L3MBTL4: variants seen among roughly 807,000 people sequenced by gnomAD.
The protein encoded by L3MBTL4 is lethal(3)malignant brain tumor-like protein 4.
Under a neutral mutation model 84.5 loss-of-function variants are expected in L3MBTL4, and 70 were observed. That is an observed-to-expected ratio of 0.83 (90% CI 0.68 to 1.01). The LOEUF (loss-of-function observed/expected upper bound fraction) is 1.01. Ranked by LOEUF, L3MBTL4 falls within the 50% of genes least tolerant of loss-of-function variation. The pLI is 0.00. For synonymous variants in L3MBTL4, 274 were observed against 259.8 expected, an observed-to-expected ratio of 1.05 and a Z score of -0.52; for missense variants, 715 against 754.8, an observed-to-expected ratio of 0.95 and a Z score of 0.62.
chr18:6,042,751 G>A (rs1327146858), intron 16 of L3MBTL4, among the ~76,000 whole-genome samples: 1 of 152,086 alleles, frequency 6.6e-6, no homozygotes, highest in Non-Finnish European at 1.5e-5. Context: ...AGGCCTTTCT[G>A]GAACACCCTT....
rs934420890 is a variant in L3MBTL4, at chr18:6,352,734, T to C, written c.-90-40678A>G. ...GATGCTATATCATGACCATACAATT[T>C]ATCTATTTCTTAGCTGTCTTTCCTA... On this transcript the variant is annotated intron_variant, in intron 1 of 18. Transcript: ENST00000317931. Among the ~76,000 whole-genome samples the C allele has an allele frequency of 3.3e-5, 5 of 152,152 alleles. No homozygotes were observed. The South Asian group carries it at 6.2e-4, about 19-fold the overall frequency.
intron 7 of L3MBTL4, 86 bp from the exon 8 acceptor site, chr18:6,241,535 C>A (rs1169632125): frequency 2.8e-6 from 2 of 712,116 alleles, no homozygotes; most frequent in Admixed American, 5.6e-5. Flanking sequence ...AAAGTAAGTG[C>A]GGTTTTGGCC....
chr18:6,242,611 A>G (rs2047497883), intron 7 of L3MBTL4, among the ~76,000 whole-genome samples: 1 of 152,184 alleles, frequency 6.6e-6, no homozygotes, highest in African/African-American at 2.4e-5. Context: ...GATAACTAGG[A>G]ATAAAGGACT....
chr18:6,351,767 G>A lies in L3MBTL4; in HGVS notation c.-90-39711C>T, dbSNP rs566275403. Reference sequence around the variant, plus strand: ...GGGGTTTCACCATGTTAGCCAGGATGGTCTCAATCTCCTGACCTCGTGATC... The same window carrying A: ...GGGGTTTCACCATGTTAGCCAGGATAGTCTCAATCTCCTGACCTCGTGATC... On this transcript the variant is annotated intron_variant, in intron 1 of 18. Coordinates refer to ENST00000317931, the MANE Select transcript of L3MBTL4 (RefSeq NM_001330559.2). Among the ~76,000 whole-genome samples, 5 of 152,148 alleles carry A rather than the reference G, an allele frequency of 3.3e-5. No homozygotes were observed. The East Asian group carries it at 9.7e-4, about 30-fold the overall frequency.
intron 1 of L3MBTL4, among the ~76,000 whole-genome samples, chr18:6,357,028 T>A (rs765179560): frequency 9.9e-5 from 15 of 152,200 alleles, no homozygotes; most frequent in Non-Finnish European, 1.6e-4. Flanking sequence ...TGATCATATA[T>A]GCATATGGGT....
intron 17 of L3MBTL4, among the ~76,000 whole-genome samples, chr18:5,965,518 C>T (rs527304424): frequency 1.3e-5 from 2 of 152,132 alleles, no homozygotes; most frequent in African/African-American, 4.8e-5. Flanking sequence ...CCTGAGCCCC[C>T]ACCAGTCCAG....
chr18:6,059,741 CTG>C (rs1363485252), intron 16 of L3MBTL4, among the ~76,000 whole-genome samples: 8 of 152,204 alleles, frequency 5.3e-5, no homozygotes, highest in African/African-American at 1.4e-4. Flanking sequence ...TCTAGCAGAG[CTG>C]TGAGTGGAGG....
intron 17 of L3MBTL4, among the ~76,000 whole-genome samples, chr18:5,969,144 G>T (rs142863698): frequency 8.5e-5 from 13 of 152,252 alleles, no homozygotes; most frequent in East Asian, 3.9e-4. Flanking sequence ...TGGGCCTCGG[G>T]GGGCACTGGA....
chr18:6,066,610 T>C (rs899995226), intron 16 of L3MBTL4, among the ~76,000 whole-genome samples: 3 of 152,230 alleles, frequency 2.0e-5, no homozygotes, highest in Non-Finnish European at 4.4e-5. Context: ...CATAATGTCA[T>C]TCTTTAACTG....
At chr18:6,149,054 T>C (rs1049322647) in intron 13 of L3MBTL4, among the ~76,000 whole-genome samples, 6 of 152,122 alleles carry the variant, frequency 3.9e-5, no homozygotes, top group African/African-American at 1.4e-4. Context: ...AAAATTTTTT[T>C]ATTATTATTA....
At chr18:6,280,567 G>T (rs1297053586) in intron 4 of L3MBTL4, among the ~76,000 whole-genome samples, 1 of 152,184 alleles carries the variant, frequency 6.6e-6, no homozygotes, top group African/African-American at 2.4e-5. Context: ...AGCTTCAAAT[G>T]TGTGATAGGT....
chr18:6,166,473 A>ACTGT (rs2043663342), intron 13 of L3MBTL4, among the ~76,000 whole-genome samples: 1 of 152,220 alleles, frequency 6.6e-6, no homozygotes, highest in African/African-American at 2.4e-5. Context: ...ATTATAACAA[A>ACTGT]CTGTCTCTCA....
rs1187668142 is a variant in L3MBTL4, at chr18:6,414,003, G to C, written c.-91+798C>G. The C allele has an allele frequency of 6.6e-6, 1 of 152,326 alleles. No individual in the cohort carries two copies. Among genetic ancestry groups the C allele is most frequent in the Non-Finnish European group, 1.5e-5 (1 of 68,090 alleles). 9.4% of individuals were successfully genotyped at this position (152,326 alleles called of 1,614,324 possible). On this transcript the variant is annotated intron_variant, in intron 1 of 18. Coordinates refer to ENST00000317931, the MANE Select transcript of L3MBTL4 (RefSeq NM_001330559.2). This position sits in a 1 kb window ranked among gnomAD's most constrained non-coding sequence, Gnocchi z 5.4. The stretch of plus-strand genomic sequence containing the variant: ...CGAAAACGCTCTCACCAATCCCGCA[G>C]GTAAGTGCGGCGCTGGCCCAGGTGT...
At chr18:6,292,098 T>A (rs1232406908) in intron 4 of L3MBTL4, among the ~76,000 whole-genome samples, 1 of 152,208 alleles carries the variant, frequency 6.6e-6, no homozygotes, top group African/African-American at 2.4e-5. Flanking sequence ...ACAAATTATA[T>A]CAATCTATTA....
intron 16 of L3MBTL4, among the ~76,000 whole-genome samples, chr18:6,046,435 A>C (rs2056621385): frequency 6.6e-6 from 1 of 152,204 alleles, no homozygotes; most frequent in Admixed American, 6.5e-5. Flanking sequence ...ATACTCCACC[A>C]ATCAAAACAG....
At chr18:6,354,813 C>T (rs1175218828) in intron 1 of L3MBTL4, among the ~76,000 whole-genome samples, 1 of 152,018 alleles carries the variant, frequency 6.6e-6, no homozygotes, top group Non-Finnish European at 1.5e-5. Context: ...GAAAAGGGAA[C>T]CCTCGTATAC....
intron 16 of L3MBTL4, among the ~76,000 whole-genome samples, chr18:5,985,615 G>A (rs994151464): frequency 3.9e-5 from 6 of 152,144 alleles, no homozygotes; most frequent in African/African-American, 7.2e-5. Flanking sequence ...TTATATTCCC[G>A]AAGGATGTTT....
At chr18:5,979,010 C>A (rs755310547) in intron 16 of L3MBTL4, among the ~76,000 whole-genome samples, 1 of 152,150 alleles carries the variant, frequency 6.6e-6, no homozygotes, top group African/African-American at 2.4e-5. Flanking sequence ...TAACCTCCAC[C>A]CCCCGGCACA....
At chr18:6,022,776 T>G (rs1389756490) in intron 16 of L3MBTL4, among the ~76,000 whole-genome samples, 1 of 152,226 alleles carries the variant, frequency 6.6e-6, no homozygotes, top group Non-Finnish European at 1.5e-5. Context: ...CCAAAGTTTA[T>G]GCATTTCAAA....
Sources: gnomAD v4.1 joint callset for allele counts (sites outside exome capture counted in the v4.1 genomes callset) on GRCh38, gnomAD v4.1.1 for gene constraint, Gnocchi (gnomAD v3.1) non-coding constraint, MANE v1.5 for transcripts, NCBI Gene and HGNC (gene_info 2026-07-23, HGNC 2026-07-21) for gene names.